ANKRD55: variants seen among roughly 807,000 people sequenced by gnomAD.
The protein encoded by ANKRD55 is ankyrin repeat domain-containing protein 55.
In ANKRD55, 41 loss-of-function variants were observed where a neutral mutation model predicts 60.6. The ratio of observed to expected loss-of-function variants is 0.68; its 90% CI spans 0.53 to 0.88. The LOEUF (loss-of-function observed/expected upper bound fraction) is 0.88. Among genes scored for constraint, ANKRD55 ranks in the 40% least tolerant of loss-of-function variants. ANKRD55 has a pLI of 0.00. For synonymous variants in ANKRD55, 264 were observed against 290.3 expected (o/e 0.91, Z 0.92); for missense variants, 732 against 767.6 (o/e 0.95, Z 0.55).
chr5:56,135,265 TCC>T (rs1482185362), intron 7 of ANKRD55, among the ~76,000 whole-genome samples: 1 of 102,822 alleles, frequency 9.7e-6, no homozygotes, highest in African/African-American at 5.4e-5. Context: ...CTTCCTTCTT[TCC>T]CTCCCTCCCT....
chr5:56,209,466 C>CTT (rs60256412), intron 2 of ANKRD55, among the ~76,000 whole-genome samples: 32 of 132,330 alleles, frequency 2.4e-4, no homozygotes, highest in African/African-American at 5.1e-4. Flanking sequence ...ACATGTATAT[C>CTT]TTTTTTTTTT....
chr5:56,125,871 C>A (rs550630932), intron 8 of ANKRD55: 1 of 152,110 alleles, frequency 6.6e-6, no homozygotes, highest in African/African-American at 2.4e-5. Flanking sequence ...CGGTGGCTCA[C>A]GCACGTAATC....
intron 2 of ANKRD55, among the ~76,000 whole-genome samples, chr5:56,191,208 T>C (rs1759086247): frequency 6.6e-6 from 1 of 152,246 alleles, no homozygotes; most frequent in African/African-American, 2.4e-5. Flanking sequence ...AAATTCAATA[T>C]GTATATTAGG....
intron 2 of ANKRD55, among the ~76,000 whole-genome samples, chr5:56,204,863 A>T (rs1476771371): frequency 5.3e-5 from 8 of 152,210 alleles, no homozygotes; most frequent in African/African-American, 1.9e-4. Flanking sequence ...AATCAAATAC[A>T]TGACTCCACC....
intron 2 of ANKRD55, among the ~76,000 whole-genome samples, chr5:56,206,357 C>T (rs989036953): frequency 5.9e-5 from 9 of 152,050 alleles, no homozygotes; most frequent in Admixed American, 1.3e-4. Context: ...GTATGCTTTC[C>T]GTACAGTCAT....
chr5:56,123,126 G>C (rs1056128712), intron 8 of ANKRD55, among the ~76,000 whole-genome samples: 10 of 151,912 alleles, frequency 6.6e-5, no homozygotes, highest in African/African-American at 2.2e-4. Flanking sequence ...TCGGGAAATG[G>C]GCAGTCCTGG....
rs1758901599 is a variant in ANKRD55 at position 56,183,619 on chromosome 5, TC to T, written c.73del (p.Glu25LysfsTer4). The T allele has an allele frequency of 6.2e-7, 1 of 1,614,032 alleles. No individual in the cohort carries two copies. The highest frequency in any genetic ancestry group is 1.1e-5 in the South Asian group (1 of 91,070). On this transcript the variant is annotated frameshift_variant, in exon 3 of 12. Transcript: ENST00000341048. LOFTEE classifies it high-confidence loss of function. ...FDQQRGDSSE[E>X]VDLTMVYQAA... The stretch of plus-strand genomic sequence containing the variant: ...TTGATAAACCATGGTCAGGTCAACT[TC>T]CTCAGATGAGTCACCTTCATGCATA...
chr5:56,125,726 C>CT (rs1439296565), intron 8 of ANKRD55: 1 of 152,160 alleles, frequency 6.6e-6, no homozygotes, highest in Non-Finnish European at 1.5e-5. Context: ...AGCGTGGCCC[C>CT]TGCGCAGGGA....
chr5:56,164,612 C>T (rs1293263872), intron 5 of ANKRD55, among the ~76,000 whole-genome samples: 1 of 152,196 alleles, frequency 6.6e-6, no homozygotes, highest in Non-Finnish European at 1.5e-5. Flanking sequence ...AAAATTGCTG[C>T]TTGCCTTCCA....
chr5:56,147,455 T>C (rs1406928098), intron 6 of ANKRD55, among the ~76,000 whole-genome samples: 1 of 152,240 alleles, frequency 6.6e-6, no homozygotes, highest in Admixed American at 6.5e-5. Context: ...TATATTTTTG[T>C]TTCATTTGGC....
At chr5:56,172,569 G>A (rs552607856) in intron 4 of ANKRD55, among the ~76,000 whole-genome samples, 14 of 140,666 alleles carry the variant, frequency 1.0e-4, no homozygotes, top group Non-Finnish European at 7.4e-5. Context: ...GTGTGTCAAT[G>A]GTTTTCTGAT....
chr5:56,124,824 A>T (rs1399120044), intron 8 of ANKRD55, among the ~76,000 whole-genome samples: 1 of 152,184 alleles, frequency 6.6e-6, no homozygotes, highest in Non-Finnish European at 1.5e-5. Context: ...TTCAACTATT[A>T]ACAGAAGCTT....
At chr5:56,103,577 A>G (rs1396894302) in intron 10 of ANKRD55, among the ~76,000 whole-genome samples, 1 of 152,222 alleles carries the variant, frequency 6.6e-6, no homozygotes, top group African/African-American at 2.4e-5. Context: ...GACATTGGGC[A>G]AATGATATTA....
chr5:56,134,927 A>G (rs893901927), intron 7 of ANKRD55, among the ~76,000 whole-genome samples: 4 of 152,226 alleles, frequency 2.6e-5, no homozygotes, highest in African/African-American at 9.6e-5. Flanking sequence ...TATCCAAGGT[A>G]TGCAAGTGTA....
intron 6 of ANKRD55, among the ~76,000 whole-genome samples, chr5:56,156,068 A>C (rs1758187476): frequency 6.6e-6 from 1 of 152,166 alleles, no homozygotes; most frequent in Admixed American, 6.5e-5. Flanking sequence ...ATGAGGTAGC[A>C]CACTCTGGTC....
intron 8 of ANKRD55, among the ~76,000 whole-genome samples, chr5:56,118,547 C>T (rs551453648): frequency 1.4e-4 from 21 of 151,962 alleles, no homozygotes; most frequent in African/African-American, 2.4e-4. Context: ...TGGTGTGAAC[C>T]GGGGAGGCAG....
chr5:56,146,646 C>T (rs1044138130), intron 6 of ANKRD55: 2 of 103,162 alleles, frequency 1.9e-5, no homozygotes, highest in East Asian at 5.4e-4. Flanking sequence ...AGAACATGAC[C>T]TCTCCTTTAT....
At chr5:56,149,902 C>T (rs1216805452) in intron 6 of ANKRD55, among the ~76,000 whole-genome samples, 1 of 150,210 alleles carries the variant, frequency 6.7e-6, no homozygotes, top group Non-Finnish European at 1.5e-5. Flanking sequence ...AGTGCAGTGG[C>T]ACCATCTCGG....
chr5:56,160,068 T>C (rs914705375), intron 5 of ANKRD55, among the ~76,000 whole-genome samples, 175 bp from the exon 6 acceptor site: 2 of 152,140 alleles, frequency 1.3e-5, no homozygotes, highest in African/African-American at 4.8e-5. Context: ...AAGAGTGTGA[T>C]AGGTTAGAAG....
Sources: allele counts gnomAD v4.1 joint callset (sites outside exome capture counted in the v4.1 genomes callset), GRCh38; gene constraint gnomAD v4.1.1; transcripts MANE v1.5; gene names NCBI Gene and HGNC (gene_info 2026-07-23, HGNC 2026-07-21).